The following RADIL variants were observed in gnomAD, a reference collection of about 807,000 sequenced individuals.
The protein encoded by RADIL is Rap associating with DIL domain, also known as ras-associating and dilute domain-containing protein.
RADIL carries 99 observed loss-of-function variants against 97.6 expected under a neutral mutation model. That is an observed-to-expected ratio of 1.01 (90% CI 0.86 to 1.20). RADIL has a LOEUF of 1.20. Among genes scored for constraint, RADIL ranks in the 50% most tolerant of loss-of-function variants. RADIL has a pLI of 0.00. For missense variants in RADIL, 1,765 were observed against 1,498.9 expected, an observed-to-expected ratio of 1.18 and a Z score of -2.93; for synonymous variants, 803 against 691.8, an observed-to-expected ratio of 1.16 and a Z score of -2.52.
At chr7:4,812,956 C>G (rs775829117) in intron 9 of RADIL, among the ~76,000 whole-genome samples, 1 of 152,190 alleles carries the variant, frequency 6.6e-6, no homozygotes, top group Non-Finnish European at 1.5e-5. Context: ...CTGCAGCCCA[C>G]AGGTTTGGAT....
At position 4,801,784 on chromosome 7, in the gene RADIL, G is replaced by A. The variant is rs183793391; in HGVS notation, c.2711C>T (p.Thr904Met). ...AGGGCCAAGTGGAGTGCTGGGAGGCGTGAGCAAGCAGGACGAGTCCGTGTG... is the reference window on the plus strand; with the variant it reads ...AGGGCCAAGTGGAGTGCTGGGAGGCATGAGCAAGCAGGACGAGTCCGTGTG... ...PPHTDSSCLL[T>M]PPSTPLGPEP... Residue 904 changes from threonine (T) to methionine (M), a missense_variant, in exon 12 of 15, where the codon ACG (threonine) becomes ATG (methionine). Physicochemically the swap from Thr to Met is moderately conservative, Grantham distance 81. Transcript: ENST00000399583. The A allele has an allele frequency of 1.1e-4, 171 of 1,610,224 alleles. No individual in the cohort carries two copies. The highest frequency in any genetic ancestry group is 4.6e-4 in the South Asian group (42 of 90,698).
chr7:4,799,588 G>A (rs1447641329), intron 14 of RADIL, 42 bp downstream of exon 14: 2 of 1,606,642 alleles, frequency 1.2e-6, no homozygotes. Flanking sequence ...CCTGAGCAGG[G>A]CATCTGGGAG....
intron 2 of RADIL, among the ~76,000 whole-genome samples, chr7:4,876,804 C>T (rs946205274): frequency 5.3e-5 from 8 of 152,196 alleles, no homozygotes; most frequent in Admixed American, 5.2e-4. Flanking sequence ...GGCCTCCCAC[C>T]ACCCAGGCAC....
intron 2 of RADIL, chr7:4,860,301 G>T (rs1428183683): frequency 6.2e-7 from 1 of 1,613,826 alleles, no homozygotes; most frequent in Non-Finnish European, 8.5e-7. Flanking sequence ...TTCTTGTCCT[G>T]AAGCACATGA....
rs1041230775 is a variant in RADIL at position 4,834,105 on chromosome 7, G to A, written c.1416+502C>T. On this transcript the variant is annotated intron_variant, in intron 4 of 14. Coordinates refer to ENST00000399583, the MANE Select transcript of RADIL (RefSeq NM_018059.5). The surrounding 1 kb of genome is among the most constrained non-coding windows in gnomAD (Gnocchi z 6.0). ...AGTTCGTCAACGCACAAAAGGTGAC[G>A]GGCCCTGCACCTCCAAACTCGGATC... 3.3e-5 allele frequency among the ~76,000 whole-genome samples: 5 copies of A among 152,164 alleles called. No homozygotes were observed. The highest frequency in any genetic ancestry group is 7.4e-5 in the Non-Finnish European group (5 of 68,018).
At chr7:4,876,129 T>C (rs1415390510) in intron 2 of RADIL, among the ~76,000 whole-genome samples, 2 of 151,832 alleles carry the variant, frequency 1.3e-5, no homozygotes, top group Non-Finnish European at 2.9e-5. Context: ...GCTGGGACCA[T>C]AGGTATGCAC....
chr7:4,876,537 G>A (rs1784382241), intron 2 of RADIL, among the ~76,000 whole-genome samples: 1 of 152,148 alleles, frequency 6.6e-6, no homozygotes, highest in Non-Finnish European at 1.5e-5. Context: ...CTGACCTCAG[G>A]TGATCCACCT....
rs774276156 is a variant in RADIL, at chr7:4,860,316, G to A, written c.535+17289C>T. Reference sequence around the variant, plus strand: ...TTCTTGTCCTGAAGCACATGATGAGGCAGCAGCTGGTGAAGTTCCTTTCTT... The same window carrying A: ...TTCTTGTCCTGAAGCACATGATGAGACAGCAGCTGGTGAAGTTCCTTTCTT... On this transcript the variant is annotated intron_variant, in intron 2 of 14. Coordinates refer to ENST00000399583, the MANE Select transcript of RADIL (RefSeq NM_018059.5). 1.4e-5 allele frequency: 23 copies of A among 1,613,858 alleles called. No individual in the cohort carries two copies. The African/African-American group carries it at 2.5e-4, about 18-fold the overall frequency.
intron 9 of RADIL, 128 bp from the exon 10 acceptor site, chr7:4,805,844 G>C: frequency 2.1e-6 from 3 of 1,413,188 alleles, no homozygotes; most frequent in Non-Finnish European, 2.8e-6. Context: ...CTCCCACCAG[G>C]GGCCATCTGT....
chr7:4,804,882 G>A (rs530014405), intron 10 of RADIL, among the ~76,000 whole-genome samples: 10 of 152,078 alleles, frequency 6.6e-5, no homozygotes, highest in African/African-American at 2.4e-4. Flanking sequence ...AATCACCTAG[G>A]TCAGGAGTTC....
chr7:4,858,571 T>C (rs6953953), intron 2 of RADIL: 4 of 152,766 alleles, frequency 2.6e-5, no homozygotes, highest in Non-Finnish European at 4.4e-5. Flanking sequence ...TAAAAGTGTT[T>C]AAAATTCTTG....
In RADIL at chr7:4,842,576, C is replaced by T. The variant is rs1481522607; in HGVS notation, c.536-5971G>A. Among the ~76,000 whole-genome samples, 1 of 152,146 alleles carries T rather than the reference C, an allele frequency of 6.6e-6. No homozygotes were observed. The highest frequency in any genetic ancestry group is 2.4e-5 in the African/African-American group (1 of 41,428). On this transcript the variant is annotated intron_variant, in intron 2 of 14. Coordinates refer to ENST00000399583, the MANE Select transcript of RADIL (RefSeq NM_018059.5). This position sits in a 1 kb window ranked among gnomAD's most constrained non-coding sequence, Gnocchi z 4.5. ...GGTGACCGTCACCAGCTCCCACGGA[C>T]TCTGAACAGCCCTGGAAAGAAAAAC... is the stretch of plus-strand genomic sequence containing the variant.
chr7:4,812,676 C>A (rs778919173), intron 9 of RADIL, among the ~76,000 whole-genome samples: 45 of 152,304 alleles, frequency 3.0e-4, no homozygotes, highest in Admixed American at 1.7e-3. Context: ...CCTGCCTCAG[C>A]CTCCCAAAGT....
chr7:4,859,610 T>C, intron 2 of RADIL: 1 of 372,418 alleles, frequency 2.7e-6, no homozygotes, highest in Non-Finnish European at 4.9e-6. Context: ...TCCTTAGTAT[T>C]TGAAGACAAC....
At chr7:4,803,945 C>A in intron 10 of RADIL, 191 bp from the exon 11 acceptor site, 1 of 682,946 alleles carries the variant, frequency 1.5e-6, no homozygotes, top group South Asian at 1.5e-5. Context: ...CTTCTGAATT[C>A]CCGCCGACCA....
At chr7:4,882,341 G>A (rs1784504480) in intron 1 of RADIL, 1 of 152,308 alleles carries the variant, frequency 6.6e-6, no homozygotes, top group Admixed American at 6.5e-5. Flanking sequence ...TTTTCTGGAA[G>A]TGCGACCGGC....
At chr7:4,805,056 T>C (rs752130947) in intron 10 of RADIL, among the ~76,000 whole-genome samples, 16 of 152,092 alleles carry the variant, frequency 1.1e-4, no homozygotes, top group Non-Finnish European at 1.8e-4. Flanking sequence ...ATTGCACCAC[T>C]GCACTCCAGC....
chr7:4,846,722 T>A lies in RADIL; in HGVS notation c.536-10117A>T, dbSNP rs527320321. On this transcript the variant is annotated intron_variant, in intron 2 of 14. Transcript: ENST00000399583. ...CACCATGCCTGGCTAATTTTCGTAT[T>A]TTTAGTAGAGATGGGGTTTCACCAT... Among the ~76,000 whole-genome samples, 6 of 151,772 alleles carry A rather than the reference T, an allele frequency of 4.0e-5. No individual in the cohort carries two copies. The East Asian group carries it at 9.9e-4, about 25-fold the overall frequency.
chr7:4,861,834 G>GCACTTCCCCCACCACCGCGACCTT, intron 2 of RADIL: 6 of 1,268,410 alleles, frequency 4.7e-6, no homozygotes, highest in Non-Finnish European at 6.2e-6. Context: ...CCCCGCCAGG[G>GCACTTCCCCCACCACCGCGACCTT]CACGTCCCCC....
Sources: gnomAD v4.1 joint callset for allele counts (sites outside exome capture counted in the v4.1 genomes callset) on GRCh38, gnomAD v4.1.1 for gene constraint, Gnocchi (gnomAD v3.1) non-coding constraint, MANE v1.5 for transcripts, NCBI Gene and HGNC (gene_info 2026-07-23, HGNC 2026-07-21) for gene names.